The following GRID1 variants were observed in gnomAD, a reference collection of about 807,000 sequenced individuals.
GRID1 encodes the protein glutamate ionotropic receptor delta type subunit 1, also known as glutamate receptor ionotropic, delta-1.
Under a neutral mutation model 98.0 loss-of-function variants are expected in GRID1, and 28 were observed. The observed-to-expected ratio is 0.29, with a 90% CI of 0.21 to 0.39. The LOEUF is 0.39. Ranked by LOEUF, GRID1 falls within the 10% of genes least tolerant of loss-of-function variation. GRID1 has a pLI of 1.00. For synonymous variants in GRID1, 553 were observed against 538.5 expected (o/e 1.03, Z -0.37); for missense variants, 1,111 against 1,340.5 (o/e 0.83, Z 2.67).
intron 4 of GRID1, among the ~76,000 whole-genome samples, chr10:85,985,578 GCAA>G (rs1225702007): frequency 0.011 from 1,637 of 152,288 alleles, no homozygotes; most frequent in African/African-American, 0.038. Context: ...CCCAGATGCA[GCAA>G]GAACCTACAT....
intron 13 of GRID1, among the ~76,000 whole-genome samples, chr10:85,640,676 T>C (rs1843106595): frequency 6.6e-6 from 1 of 152,190 alleles, no homozygotes; most frequent in Non-Finnish European, 1.5e-5. Flanking sequence ...GGGATCAGCT[T>C]CTCTGCCACA....
intron 4 of GRID1, among the ~76,000 whole-genome samples, chr10:86,017,863 G>A (rs982826905): frequency 2.6e-5 from 4 of 152,212 alleles, no homozygotes; most frequent in African/African-American, 9.6e-5. Context: ...CCTTGCAAAG[G>A]AGGGAAAGAG....
At chr10:85,659,020 G>A (rs1439244538) in intron 12 of GRID1, among the ~76,000 whole-genome samples, 3 of 152,182 alleles carry the variant, frequency 2.0e-5, no homozygotes, top group Non-Finnish European at 2.9e-5. Flanking sequence ...ATAAGCTATC[G>A]ATGTTCCCTA....
intron 4 of GRID1, among the ~76,000 whole-genome samples, chr10:85,943,624 C>G (rs1842020972): frequency 6.6e-6 from 1 of 152,160 alleles, no homozygotes. Flanking sequence ...CCCTGCAGAG[C>G]CCACCTCTAT....
intron 4 of GRID1, among the ~76,000 whole-genome samples, chr10:86,042,719 A>G (rs1047194443): frequency 2.0e-5 from 3 of 152,172 alleles, no homozygotes; most frequent in African/African-American, 4.8e-5. Context: ...GAGCATCTTC[A>G]TCTTTACCTC....
rs560716734 is a variant in GRID1 at position 86,115,114 on chromosome 10, G to A, written c.726+23705C>T. ...AAAGGTAACATACCTGGAGAGTTTG[G>A]GGAGATGGCGGCTTGTGAGAGACAA... On this transcript the variant is annotated intron_variant, in intron 4 of 15. Coordinates refer to ENST00000327946, the MANE Select transcript of GRID1 (RefSeq NM_017551.3). 3.3e-5 allele frequency among the ~76,000 whole-genome samples: 5 copies of A among 152,308 alleles called. No individual in the cohort carries two copies. The East Asian group carries it at 9.7e-4, about 29-fold the overall frequency.
intron 8 of GRID1, among the ~76,000 whole-genome samples, chr10:85,840,525 TAGG>T (rs1842952159): frequency 6.6e-6 from 1 of 151,988 alleles, no homozygotes; most frequent in African/African-American, 2.4e-5. Context: ...TGCATCCAAA[TAGG>T]AGGAGGAGAA....
intron 3 of GRID1, among the ~76,000 whole-genome samples, chr10:86,146,777 A>C (rs180768635): frequency 6.6e-6 from 1 of 152,278 alleles, no homozygotes; most frequent in East Asian, 1.9e-4. Flanking sequence ...GGTAAGACTG[A>C]CGCTGACCCT....
intron 12 of GRID1, among the ~76,000 whole-genome samples, chr10:85,684,139 C>T (rs1270247651): frequency 6.6e-6 from 1 of 152,154 alleles, no homozygotes; most frequent in Non-Finnish European, 1.5e-5. Context: ...AGGGGGCAAC[C>T]TAAACTATAA....
chr10:85,622,714 C>G (rs184997850), intron 13 of GRID1, among the ~76,000 whole-genome samples: 1 of 152,100 alleles, frequency 6.6e-6, no homozygotes, highest in Non-Finnish European at 1.5e-5. Context: ...TGTCTCAGAT[C>G]GAGGGGCTCA....
chr10:86,365,788 G>A lies in GRID1; in HGVS notation c.79+526C>T, dbSNP rs1848668352. ...TCGTGCACGCACCAACACACGCTCA[G>A]ATGGCCCCACACACCCCAACACCCT... is the stretch of plus-strand genomic sequence containing the variant. On this transcript the variant is annotated intron_variant, in intron 1 of 15. Coordinates refer to ENST00000327946, the MANE Select transcript of GRID1 (RefSeq NM_017551.3). The surrounding 1 kb of genome is among the most constrained non-coding windows in gnomAD (Gnocchi z 4.8). 6.6e-6 allele frequency among the ~76,000 whole-genome samples: 1 copy of A among 152,062 alleles called. No homozygotes were observed. Among genetic ancestry groups the A allele is most frequent in the Admixed American group, 6.5e-5 (1 of 15,270 alleles).
At chr10:85,752,762 C>T (rs1182614768) in intron 8 of GRID1, among the ~76,000 whole-genome samples, 1 of 152,134 alleles carries the variant, frequency 6.6e-6, no homozygotes, top group Non-Finnish European at 1.5e-5. Context: ...TCCACTCATC[C>T]ATTTTCATAT....
At chr10:86,236,784 G>A (rs1440380254) in intron 2 of GRID1, among the ~76,000 whole-genome samples, 1 of 152,210 alleles carries the variant, frequency 6.6e-6, no homozygotes, top group African/African-American at 2.4e-5. Context: ...CAGAAGCACA[G>A]AGAAGGAAAA....
At chr10:85,952,105 T>C (rs1842133130) in intron 4 of GRID1, among the ~76,000 whole-genome samples, 1 of 152,268 alleles carries the variant, frequency 6.6e-6, no homozygotes, top group Non-Finnish European at 1.5e-5. Flanking sequence ...CTTACGTCGA[T>C]TCTCCTTTCT....
At chr10:85,966,386 C>T (rs1842336780) in intron 4 of GRID1, among the ~76,000 whole-genome samples, 1 of 152,106 alleles carries the variant, frequency 6.6e-6, no homozygotes, top group Non-Finnish European at 1.5e-5. Flanking sequence ...CTCTGGCTGG[C>T]CTTGAGACCA....
intron 13 of GRID1, among the ~76,000 whole-genome samples, chr10:85,636,826 A>C (rs2132541450): frequency 6.6e-6 from 1 of 152,338 alleles, no homozygotes; most frequent in African/African-American, 2.4e-5. Flanking sequence ...GATATTCAGT[A>C]ATACTTCATC....
At chr10:85,999,319 C>CAT (rs58285003) in intron 4 of GRID1, among the ~76,000 whole-genome samples, 113,639 of 151,802 alleles carry the variant, frequency 0.75, 42,802 homozygotes, top group South Asian at 0.85. Context: ...AAATGTAACA[C>CAT]AGTTAAAAGT....
intron 12 of GRID1, among the ~76,000 whole-genome samples, chr10:85,681,797 T>C (rs1389309825): frequency 6.6e-6 from 1 of 152,140 alleles, no homozygotes; most frequent in Admixed American, 6.6e-5. Flanking sequence ...GGAGGGTCTT[T>C]TGCAAGGACC....
At chr10:86,139,224 G>A (rs1844977216) in intron 3 of GRID1, among the ~76,000 whole-genome samples, 200 bp from the exon 4 acceptor site, 1 of 152,174 alleles carries the variant, frequency 6.6e-6, no homozygotes, top group Non-Finnish European at 1.5e-5. Flanking sequence ...GTCCAGCCCT[G>A]GCTGACTGTC....
Sources: gnomAD v4.1 joint callset for allele counts (sites outside exome capture counted in the v4.1 genomes callset) on GRCh38, gnomAD v4.1.1 for gene constraint, Gnocchi (gnomAD v3.1) non-coding constraint, MANE v1.5 for transcripts, NCBI Gene and HGNC (gene_info 2026-07-23, HGNC 2026-07-21) for gene names.